SLC22A23: variants seen among roughly 807,000 people sequenced by gnomAD.
SLC22A23 encodes the protein solute carrier family 22 member 23.
Under a neutral mutation model 61.0 loss-of-function variants are expected in SLC22A23, and 26 were observed. That is an observed-to-expected ratio of 0.43 (90% CI 0.31 to 0.59). The LOEUF (loss-of-function observed/expected upper bound fraction) is 0.59. SLC22A23 is among the 20% of genes least tolerant of loss of function. The pLI is 0.11. For missense variants in SLC22A23, 796 were observed against 934.7 expected (o/e 0.85, Z 1.94); for synonymous variants, 430 against 413.9 (o/e 1.04, Z -0.47).
At position 3,390,839 on chromosome 6, in the gene SLC22A23, G is replaced by C. The variant is rs778188394; in HGVS notation, c.913+19349C>G. 6.6e-6 allele frequency among the ~76,000 whole-genome samples: 1 copy of C among 152,138 alleles called. No homozygotes were observed. Among genetic ancestry groups the C allele is most frequent in the Non-Finnish European group, 1.5e-5 (1 of 68,022 alleles). On this transcript the variant is annotated intron_variant, in intron 3 of 9. Transcript: ENST00000406686. The surrounding 1 kb of genome is among the most constrained non-coding windows in gnomAD (Gnocchi z 4.0). ...ATGCTGCCTATCTGCCAAACCACTG[G>C]CTTCCAATGCGGAAGCTGGAGTTCT...
intron 1 of SLC22A23, among the ~76,000 whole-genome samples, chr6:3,445,302 A>G (rs733354): frequency 0.52 from 79,052 of 151,854 alleles, 20,815 homozygotes; most frequent in Middle Eastern, 0.7. Context: ...AGGTTCAAGC[A>G]ATTGTCCTGC....
chr6:3,435,273 A>T (rs953680885), intron 1 of SLC22A23, among the ~76,000 whole-genome samples: 4 of 149,598 alleles, frequency 2.7e-5, no homozygotes, highest in African/African-American at 9.9e-5. Context: ...GCAGCAATGA[A>T]CTCTTCCTCC....
intron 5 of SLC22A23, among the ~76,000 whole-genome samples, chr6:3,294,629 C>T (rs1037737019): frequency 6.6e-6 from 1 of 152,160 alleles, no homozygotes; most frequent in African/African-American, 2.4e-5. Flanking sequence ...TGGGAACCAG[C>T]GGGCCTTCTA....
chr6:3,367,490 A>T (rs1765911732), intron 3 of SLC22A23, among the ~76,000 whole-genome samples: 1 of 152,172 alleles, frequency 6.6e-6, no homozygotes, highest in Non-Finnish European at 1.5e-5. Context: ...CAGTACCTGT[A>T]TCTCATTCCT....
rs752661104 is a variant in SLC22A23, at chr6:3,297,216, C to T, written c.1210+875G>A. On this transcript the variant is annotated intron_variant, in intron 5 of 9. Coordinates refer to ENST00000406686, the MANE Select transcript of SLC22A23 (RefSeq NM_015482.2). This position sits in a 1 kb window ranked among gnomAD's most constrained non-coding sequence, Gnocchi z 4.3. ...CATCTAGTAAACACGTGTTGGTTTA[C>T]TGAATGAATCATGATCACAAGCATT... Among the ~76,000 whole-genome samples, 1 of 152,190 alleles carries T rather than the reference C, an allele frequency of 6.6e-6. No individual in the cohort carries two copies. Among genetic ancestry groups the T allele is most frequent in the Admixed American group, 6.5e-5 (1 of 15,276 alleles).
chr6:3,409,440 C>A (rs1436514698), intron 3 of SLC22A23, among the ~76,000 whole-genome samples: 3 of 152,202 alleles, frequency 2.0e-5, no homozygotes, highest in Non-Finnish European at 4.4e-5. Flanking sequence ...TACCTGACTC[C>A]TGTGCGTGTG....
intron 3 of SLC22A23, among the ~76,000 whole-genome samples, chr6:3,351,115 C>A (rs1373231573): frequency 6.6e-6 from 1 of 152,096 alleles, no homozygotes; most frequent in African/African-American, 2.4e-5. Context: ...ATGAAAAGTA[C>A]CCTCAGAATG....
At chr6:3,448,594 C>T (rs1412744409) in intron 1 of SLC22A23, among the ~76,000 whole-genome samples, 3 of 151,960 alleles carry the variant, frequency 2.0e-5, no homozygotes, top group South Asian at 4.2e-4. Context: ...CCCGAGTTCA[C>T]GCCATTCTCC....
intron 3 of SLC22A23, among the ~76,000 whole-genome samples, chr6:3,383,125 A>G (rs1767058142): frequency 1.3e-5 from 2 of 152,362 alleles, no homozygotes; most frequent in Non-Finnish European, 2.9e-5. Context: ...ATATTCAGAC[A>G]GCAGAGAAAC....
chr6:3,279,703 G>A (rs1334873171), intron 9 of SLC22A23, among the ~76,000 whole-genome samples: 1 of 151,830 alleles, frequency 6.6e-6, no homozygotes, highest in Non-Finnish European at 1.5e-5. Context: ...GGCTCTGCCA[G>A]TGCCTTTTCT....
chr6:3,297,056 C>T lies in SLC22A23; in HGVS notation c.1210+1035G>A, dbSNP rs1761171188. 1.3e-5 allele frequency among the ~76,000 whole-genome samples: 2 copies of T among 152,248 alleles called. No homozygotes were observed. Among genetic ancestry groups the T allele is most frequent in the South Asian group, 2.1e-4 (1 of 4,832 alleles). On this transcript the variant is annotated intron_variant, in intron 5 of 9. Transcript: ENST00000406686. The surrounding 1 kb of genome is among the most constrained non-coding windows in gnomAD (Gnocchi z 4.3). ...TCCCTGCCACCCTCTATCCCACAGC[C>T]CTGCTGTTTCATCCCTCCTGACGTA...
In SLC22A23 at chr6:3,269,347, C is replaced by T. The variant is rs1411512408; in HGVS notation, c.*3708G>A. ...CTTACAGAGGCGTTCAAAGTAGTGA[C>T]GCAGTGAGGTCTGAATGAACACGGA... On this transcript the variant is annotated 3_prime_UTR_variant, in exon 10 of 10. Coordinates refer to ENST00000406686, the MANE Select transcript of SLC22A23 (RefSeq NM_015482.2). 5 of 152,330 alleles carry T rather than the reference C, an allele frequency of 3.3e-5. No individual in the cohort carries two copies. The highest frequency in any genetic ancestry group is 6.5e-5 in the Admixed American group (1 of 15,272). The allele number at this position is 152,330 out of a possible 1,614,324, so 9.4% of individuals were successfully genotyped here.
chr6:3,273,768 A>T (rs894935970), intron 9 of SLC22A23, among the ~76,000 whole-genome samples: 1 of 152,224 alleles, frequency 6.6e-6, no homozygotes, highest in African/African-American at 2.4e-5. Context: ...ATTACTTGCC[A>T]TAAGTAGTAT....
At chr6:3,397,797 T>G (rs1380898996) in intron 3 of SLC22A23, among the ~76,000 whole-genome samples, 1 of 152,122 alleles carries the variant, frequency 6.6e-6, no homozygotes, top group Non-Finnish European at 1.5e-5. Context: ...AAGCCAAGAT[T>G]CACTGTAGCT....
rs1772417117 is a variant in SLC22A23, at chr6:3,456,483, G to A, written c.77C>T (p.Ser26Phe). Residue 26 changes from serine to phenylalanine, a missense_variant, in exon 1 of 10, where the codon TCC (serine) becomes TTC (phenylalanine). Coordinates refer to ENST00000406686, the MANE Select transcript of SLC22A23 (RefSeq NM_015482.2). This position sits in a 1 kb window ranked among gnomAD's most constrained non-coding sequence, Gnocchi z 7.1. The stretch of plus-strand genomic sequence containing the variant: ...GGCCGCCGCGTCCCCGGGCGGCAGG[G>A]AGCCGTTCTCCTCGGCCGGGGCCGG... ...RQPAPAEENG[S>F]LPPGDAAASA... 9 of 1,162,578 alleles carry A rather than the reference G, an allele frequency of 7.7e-6. No homozygotes were observed. The highest frequency in any genetic ancestry group is 9.5e-6 in the Non-Finnish European group (9 of 945,752). 72.0% of individuals were successfully genotyped at this position (1,162,578 alleles called of 1,614,324 possible).
chr6:3,395,976 A>C (rs1305005593), intron 3 of SLC22A23, among the ~76,000 whole-genome samples: 4 of 152,266 alleles, frequency 2.6e-5, no homozygotes, highest in African/African-American at 9.6e-5. Context: ...ATTCCTTACA[A>C]GATGATTGTA....
Position 3,330,560 on chromosome 6 carries a change from C to T in SLC22A23, c.914-6558G>A, listed in dbSNP as rs1763528533. On this transcript the variant is annotated intron_variant, in intron 3 of 9. Transcript: ENST00000406686. The surrounding 1 kb of genome is among the most constrained non-coding windows in gnomAD (Gnocchi z 4.7). ...GAACACACCACTCAATAATTACTGC[C>T]ACAGGCAAGGACGCATGGCCCCCAG... Among the ~76,000 whole-genome samples the T allele has an allele frequency of 6.6e-6, 1 of 152,248 alleles. No homozygotes were observed.
Position 3,324,094 on chromosome 6 carries a change from C to A in SLC22A23, c.914-92G>T. 1 of 1,461,350 alleles carries A rather than the reference C, an allele frequency of 6.8e-7. No homozygotes were observed. The highest frequency in any genetic ancestry group is 9.3e-7 in the Non-Finnish European group (1 of 1,069,580). The allele number at this position is 1,461,350 out of a possible 1,614,324, so 90.5% of individuals were successfully genotyped here. A position where few individuals can be genotyped will look rare whatever the true frequency, so the allele number is the denominator to read the frequency against. On this transcript the variant is annotated intron_variant, in intron 3 of 9. Coordinates refer to ENST00000406686, the MANE Select transcript of SLC22A23 (RefSeq NM_015482.2). This position sits in a 1 kb window ranked among gnomAD's most constrained non-coding sequence, Gnocchi z 4.3. ...ACCTGGGCCAGTGCACTGCTTAACC[C>A]ACCAACGACTGAAATTGTTTTCATC...
intron 3 of SLC22A23, among the ~76,000 whole-genome samples, chr6:3,350,941 T>C (rs950185553): frequency 9.9e-5 from 15 of 151,484 alleles, no homozygotes; most frequent in Non-Finnish European, 5.9e-5. Context: ...TCTTCTCTTA[T>C]TGACGCATTT....
Sources: allele counts gnomAD v4.1 joint callset (sites outside exome capture counted in the v4.1 genomes callset), GRCh38; gene constraint gnomAD v4.1.1; non-coding constraint Gnocchi (gnomAD v3.1); transcripts MANE v1.5; gene names NCBI Gene and HGNC (gene_info 2026-07-23, HGNC 2026-07-21).